The following PPARGC1A variants were observed in gnomAD, a reference collection of about 807,000 sequenced individuals.
The protein encoded by PPARGC1A is peroxisome proliferator-activated receptor gamma coactivator 1-alpha.
Under a neutral mutation model 88.7 loss-of-function variants are expected in PPARGC1A, and 25 were observed. The observed-to-expected ratio is 0.28, with a 90% CI of 0.21 to 0.39. PPARGC1A has a LOEUF of 0.39. PPARGC1A is among the 10% of genes least tolerant of loss of function. The pLI is 1.00. For missense variants in PPARGC1A, 880 were observed against 968.7 expected (o/e 0.91, Z 1.22); for synonymous variants, 363 against 355.6 (o/e 1.02, Z -0.24).
intron 2 of PPARGC1A, among the ~76,000 whole-genome samples, chr4:23,845,264 C>T (rs1577487010): frequency 1.3e-5 from 2 of 152,072 alleles, no homozygotes; most frequent in Non-Finnish European, 2.9e-5. Context: ...CCTATTACAA[C>T]CTGTGAGTTC....
chr4:24,284,692 G>C, the PPARGC1A span, among the ~76,000 whole-genome samples: 1 of 152,162 alleles, frequency 6.6e-6, no homozygotes, highest in Admixed American at 6.5e-5. Context: ...ATATGTCTCT[G>C]CCCTGAAGCA....
the PPARGC1A span, among the ~76,000 whole-genome samples, chr4:24,318,877 C>G: frequency 6.6e-6 from 1 of 152,072 alleles, no homozygotes; most frequent in African/African-American, 2.4e-5. Flanking sequence ...AATGACACAG[C>G]CAGTAAAGTT....
chr4:24,002,795 T>C, the PPARGC1A span, among the ~76,000 whole-genome samples: 1 of 152,174 alleles, frequency 6.6e-6, no homozygotes. Context: ...TGGATTCAGC[T>C]ACTTGGCATG....
chr4:23,891,807 C>T (rs1468730278), upstream of PPARGC1A, among the ~76,000 whole-genome samples: 1 of 152,118 alleles, frequency 6.6e-6, no homozygotes, highest in African/African-American at 2.4e-5. Context: ...AATACAACCT[C>T]GGGAATGCTT....
the PPARGC1A span, among the ~76,000 whole-genome samples, chr4:24,344,656 C>T: frequency 2.2e-4 from 34 of 151,712 alleles, no homozygotes; most frequent in African/African-American, 7.7e-4. Context: ...GATATTAGTC[C>T]TTTGTCAGAT....
the PPARGC1A span, among the ~76,000 whole-genome samples, chr4:24,104,709 G>T: frequency 1.3e-5 from 2 of 152,176 alleles, no homozygotes; most frequent in African/African-American, 4.8e-5. Context: ...GGGGCTGTTT[G>T]TATACCTGTG....
the PPARGC1A span, among the ~76,000 whole-genome samples, chr4:24,116,965 C>A: frequency 6.6e-6 from 1 of 151,754 alleles, no homozygotes; most frequent in African/African-American, 2.4e-5. Flanking sequence ...CTCTCTTGAC[C>A]ATCACAAAGT....
At chr4:24,199,968 A>G in the PPARGC1A span, among the ~76,000 whole-genome samples, 1 of 152,212 alleles carries the variant, frequency 6.6e-6, no homozygotes, top group African/African-American at 2.4e-5. Flanking sequence ...GAAAACCTAC[A>G]TATGCACCAA....
the PPARGC1A span, among the ~76,000 whole-genome samples, chr4:24,464,939 C>T: frequency 6.6e-6 from 1 of 152,194 alleles, no homozygotes; most frequent in Non-Finnish European, 1.5e-5. Flanking sequence ...GCAACTACAC[C>T]GAACAAATGC....
the PPARGC1A span, among the ~76,000 whole-genome samples, chr4:24,133,943 AC>A: frequency 6.6e-6 from 1 of 152,194 alleles, no homozygotes; most frequent in Admixed American, 6.5e-5. Context: ...GGCCCTCATA[AC>A]AATTAGCTCT....
At chr4:23,979,975 G>A in the PPARGC1A span, among the ~76,000 whole-genome samples, 1 of 151,978 alleles carries the variant, frequency 6.6e-6, no homozygotes, top group African/African-American at 2.4e-5. Flanking sequence ...TCCTAGCCAG[G>A]GGGTAATTAG....
At chr4:23,882,819 G>A (rs923537684) in intron 2 of PPARGC1A, 3 of 152,182 alleles carry the variant, frequency 2.0e-5, no homozygotes, top group African/African-American at 2.4e-5. Flanking sequence ...TAAATGCAAA[G>A]TACCTCTCAC....
At chr4:24,334,751 C>A in the PPARGC1A span, among the ~76,000 whole-genome samples, 214 of 152,258 alleles carry the variant, frequency 1.4e-3, no homozygotes, top group Non-Finnish European at 2.7e-3. Flanking sequence ...TTGAACATTT[C>A]CATTTCTAAG....
At chr4:24,311,934 A>G in the PPARGC1A span, among the ~76,000 whole-genome samples, 1 of 152,210 alleles carries the variant, frequency 6.6e-6, no homozygotes, top group Non-Finnish European at 1.5e-5. Flanking sequence ...GCCATGAAGA[A>G]GAGGAAGCTC....
the PPARGC1A span, among the ~76,000 whole-genome samples, chr4:24,204,885 G>A: frequency 7.9e-5 from 12 of 152,024 alleles, no homozygotes; most frequent in Admixed American, 2.0e-4. Context: ...ATGCAGTGGC[G>A]CAATCCCGGC....
At chr4:24,366,635 T>C in the PPARGC1A span, among the ~76,000 whole-genome samples, 1 of 152,190 alleles carries the variant, frequency 6.6e-6, no homozygotes, top group African/African-American at 2.4e-5. Flanking sequence ...CCAAAGTCCA[T>C]GCCTACCCAA....
chr4:24,343,391 G>C, the PPARGC1A span, among the ~76,000 whole-genome samples: 6 of 152,174 alleles, frequency 3.9e-5, no homozygotes, highest in African/African-American at 1.4e-4. Context: ...GAGTAGGAGT[G>C]AGTTTCCTTC....
At chr4:23,865,254 C>T (rs77399640) in intron 2 of PPARGC1A, among the ~76,000 whole-genome samples, 11,098 of 152,150 alleles carry the variant, frequency 0.073, 511 homozygotes, top group African/African-American at 0.13. Flanking sequence ...CAAATATATC[C>T]TTGAACATGG....
chr4:23,810,489 A>C (rs1021470338), intron 10 of PPARGC1A, among the ~76,000 whole-genome samples: 4 of 152,150 alleles, frequency 2.6e-5, no homozygotes, highest in Non-Finnish European at 5.9e-5. Context: ...TGTCATCTAG[A>C]CCAATGACAC....
Sources: gnomAD v4.1 joint callset for allele counts (sites outside exome capture counted in the v4.1 genomes callset) on GRCh38, gnomAD v4.1.1 for gene constraint, MANE v1.5 for transcripts, NCBI Gene and HGNC (gene_info 2026-07-23, HGNC 2026-07-21) for gene names.